The following LRP1B variants were observed in gnomAD, a reference collection of about 807,000 sequenced individuals.
LRP1B encodes LDL receptor related protein 1B, also known as low-density lipoprotein receptor-related protein 1B.
LRP1B carries 217 observed loss-of-function variants against 556.6 expected under a neutral mutation model. That is an observed-to-expected ratio of 0.39 (90% CI 0.35 to 0.44). The LOEUF (loss-of-function observed/expected upper bound fraction) is 0.44, where lower values mean the gene tolerates loss of function less well. Among genes scored for constraint, LRP1B ranks in the 20% least tolerant of loss-of-function variants. LRP1B has a pLI of 1.00. For missense variants in LRP1B, 5,053 were observed against 5,620.8 expected (o/e 0.90, Z 3.23); for synonymous variants, 2,047 against 1,865.8 (o/e 1.10, Z -2.50).
At position 141,626,743 on chromosome 2, in the gene LRP1B, A is replaced by G. The variant is rs78664482; in HGVS notation, c.206-146210T>C. Among the ~76,000 whole-genome samples the G allele has an allele frequency of 8.6e-3, 1,312 of 152,330 alleles. 23 individuals carry two copies. Among genetic ancestry groups the G allele is most frequent in the African/African-American group, 0.03 (1,261 of 41,566 alleles). ...CAGGGAACTGCAAATTAAAACAGTAATAAGTTGCTACTAAACATCTATTAG... is the reference window on the plus strand; with the variant it reads ...CAGGGAACTGCAAATTAAAACAGTAGTAAGTTGCTACTAAACATCTATTAG... On this transcript the variant is annotated intron_variant, in intron 2 of 90. Transcript: ENST00000389484.
chr2:141,363,028 A>G (rs10208100), intron 3 of LRP1B, among the ~76,000 whole-genome samples: 8,059 of 152,226 alleles, frequency 0.053, 704 homozygotes, highest in African/African-American at 0.18. Context: ...TTATTGCCCA[A>G]TCATAAAAAG....
At chr2:141,455,248 T>TA (rs201384628) in intron 3 of LRP1B, among the ~76,000 whole-genome samples, 180 of 141,858 alleles carry the variant, frequency 1.3e-3, no homozygotes, top group African/African-American at 1.8e-3. Context: ...TCTTAATCAT[T>TA]AAAAAAAAAA....
intron 2 of LRP1B, among the ~76,000 whole-genome samples, chr2:141,598,173 T>C (rs980929527): frequency 3.3e-5 from 5 of 152,004 alleles, no homozygotes; most frequent in African/African-American, 1.2e-4. Flanking sequence ...CTTTTATACA[T>C]TAAAGGGCAG....
intron 2 of LRP1B, among the ~76,000 whole-genome samples, chr2:141,504,106 G>A (rs1395408367): frequency 6.6e-6 from 1 of 152,104 alleles, no homozygotes; most frequent in East Asian, 1.9e-4. Context: ...GATATTGTGT[G>A]ATAAATAATT....
rs150668006 is a variant in LRP1B at position 141,813,149 on chromosome 2, C to T, written c.83-2748G>A. 2.5e-3 allele frequency among the ~76,000 whole-genome samples: 385 copies of T among 151,900 alleles called. 3 individuals are homozygous for T. Among genetic ancestry groups the T allele is most frequent in the East Asian group, 5.8e-3 (30 of 5,166 alleles). ...TACTGTGTTCTAGGCACTAGGGATA[C>T]GATAATGAAAATAAATAAATAAAAA... is the stretch of plus-strand genomic sequence containing the variant. On this transcript the variant is annotated intron_variant, in intron 1 of 90. Coordinates refer to ENST00000389484, the MANE Select transcript of LRP1B (RefSeq NM_018557.3).
intron 1 of LRP1B, among the ~76,000 whole-genome samples, chr2:141,856,776 G>A (rs13400934): frequency 0.13 from 20,465 of 152,102 alleles, 1,638 homozygotes; most frequent in Non-Finnish European, 0.18. Flanking sequence ...ACATCTCAGG[G>A]CTCATGCTGA....
intron 1 of LRP1B, among the ~76,000 whole-genome samples, chr2:141,845,212 C>G (rs1162808537): frequency 6.6e-6 from 1 of 151,544 alleles, no homozygotes; most frequent in Non-Finnish European, 1.5e-5. Flanking sequence ...CTGAATTTAT[C>G]AAAGTAATAT....
chr2:141,282,889 G>T (rs552987418), intron 3 of LRP1B, among the ~76,000 whole-genome samples: 1 of 152,132 alleles, frequency 6.6e-6, no homozygotes, highest in African/African-American at 2.4e-5. Flanking sequence ...AATGTAAGCA[G>T]TTGGAGGCTA....
chr2:140,726,365 CTGTTA>C (rs1459886011), intron 35 of LRP1B, among the ~76,000 whole-genome samples: 2 of 152,092 alleles, frequency 1.3e-5, no homozygotes, highest in Non-Finnish European at 2.9e-5. Flanking sequence ...TCAGTTGATT[CTGTTA>C]TATTATAGGC....
chr2:141,588,991 T>G (rs374659182), intron 2 of LRP1B, among the ~76,000 whole-genome samples: 2 of 152,180 alleles, frequency 1.3e-5, no homozygotes, highest in South Asian at 4.1e-4. Context: ...CAAGTAGACA[T>G]GTTGAAAACA....
At chr2:141,660,696 G>A (rs1383622851) in intron 2 of LRP1B, among the ~76,000 whole-genome samples, 1 of 152,180 alleles carries the variant, frequency 6.6e-6, no homozygotes, top group African/African-American at 2.4e-5. Flanking sequence ...GAGTCCCTGT[G>A]GAAATGGGCT....
chr2:141,905,374 A>T (rs1339590193), intron 1 of LRP1B, among the ~76,000 whole-genome samples: 7 of 151,868 alleles, frequency 4.6e-5, no homozygotes, highest in Non-Finnish European at 1.0e-4. Context: ...AAGTACAATC[A>T]TGGGAATACT....
intron 41 of LRP1B, among the ~76,000 whole-genome samples, chr2:140,694,043 A>C (rs959081330): frequency 6.6e-6 from 1 of 152,184 alleles, no homozygotes; most frequent in Non-Finnish European, 1.5e-5. Context: ...GGATGTAGGG[A>C]CACCATTTGA....
chr2:141,102,889 G>A (rs1700502458), intron 7 of LRP1B, among the ~76,000 whole-genome samples: 1 of 152,054 alleles, frequency 6.6e-6, no homozygotes, highest in Non-Finnish European at 1.5e-5. Flanking sequence ...TGAAACCCAA[G>A]TGAAATGTTT....
At chr2:141,348,960 T>G (rs557534112) in intron 3 of LRP1B, among the ~76,000 whole-genome samples, 3 of 152,022 alleles carry the variant, frequency 2.0e-5, no homozygotes, top group South Asian at 4.1e-4. Context: ...ATGTATGATG[T>G]GACTTGTTTC....
intron 9 of LRP1B, among the ~76,000 whole-genome samples, chr2:141,056,975 C>T (rs1699193916): frequency 6.6e-6 from 1 of 151,824 alleles, no homozygotes; most frequent in African/African-American, 2.4e-5. Context: ...CTAGCTAGAC[C>T]ACTGTCTGAT....
chr2:141,228,764 C>T (rs1488835178), intron 6 of LRP1B, among the ~76,000 whole-genome samples: 3 of 152,070 alleles, frequency 2.0e-5, no homozygotes, highest in Admixed American at 1.3e-4. Flanking sequence ...AGAGTTAACA[C>T]AGGTAGTTAC....
rs150616575 is a variant in LRP1B, at chr2:141,570,275, G to A, written c.206-89742C>T. Among the ~76,000 whole-genome samples, 299 of 151,172 alleles carry A rather than the reference G, an allele frequency of 2.0e-3. 3 individuals carry two copies. Among genetic ancestry groups the A allele is most frequent in the African/African-American group, 6.9e-3 (285 of 41,474 alleles). On this transcript the variant is annotated intron_variant, in intron 2 of 90. Coordinates refer to ENST00000389484, the MANE Select transcript of LRP1B (RefSeq NM_018557.3). ...AGCCTGGTGTGACCCATGGAGAGAA[G>A]GAAGAACAGTGTAGTGTGACGGCCC...
chr2:140,259,572 A>T (rs1352322020), intron 86 of LRP1B, among the ~76,000 whole-genome samples: 1 of 152,066 alleles, frequency 6.6e-6, no homozygotes, highest in Admixed American at 6.6e-5. Context: ...TGATAGAATG[A>T]TAAGTGTATC....
Sources: gnomAD v4.1 joint callset for allele counts (sites outside exome capture counted in the v4.1 genomes callset) on GRCh38, gnomAD v4.1.1 for gene constraint, MANE v1.5 for transcripts, NCBI Gene and HGNC (gene_info 2026-07-23, HGNC 2026-07-21) for gene names.